SRPRA: variants seen among roughly 807,000 people sequenced by gnomAD.
SRPRA encodes signal recognition particle receptor subunit alpha.
SRPRA carries 30 observed loss-of-function variants against 61.1 expected under a neutral mutation model. The ratio of observed to expected loss-of-function variants is 0.49; its 90% CI spans 0.37 to 0.67. The LOEUF (loss-of-function observed/expected upper bound fraction) is 0.67, where lower values mean the gene tolerates loss of function less well. Ranked by LOEUF, SRPRA falls within the 30% of genes least tolerant of loss-of-function variation. The pLI is 0.00. For missense variants in SRPRA, 759 were observed against 828.4 expected, an observed-to-expected ratio of 0.92 and a Z score of 1.03; for synonymous variants, 324 against 299.7, an observed-to-expected ratio of 1.08 and a Z score of -0.84.
At chr11:126,262,854 A>G (rs1481367458), downstream of SRPRA, 3 of 152,622 alleles carry the variant, frequency 2.0e-5, no homozygotes, top group African/African-American at 4.8e-5. Context: ...CTGACCATAC[A>G]TATGTCCTAG....
At chr11:126,261,127 G>T, downstream of SRPRA, 1 of 327,762 alleles carries the variant, frequency 3.1e-6, no homozygotes, top group Non-Finnish European at 5.7e-6. Flanking sequence ...GACTGTTTAG[G>T]GACAGCAGAC....
the SRPRA span, among the ~76,000 whole-genome samples, chr11:126,240,015 A>G: frequency 6.6e-6 from 1 of 152,204 alleles, no homozygotes; most frequent in Non-Finnish European, 1.5e-5. Flanking sequence ...GGAGGGGAAC[A>G]TGCCATCAGC....
Position 126,265,830 on chromosome 11 carries a change from A to C in SRPRA, c.1052-7T>G. The C allele has an allele frequency of 6.2e-7, 1 of 1,614,196 alleles. No individual in the cohort carries two copies. The highest frequency in any genetic ancestry group is 8.5e-7 in the Non-Finnish European group (1 of 1,180,034). On this transcript the variant is annotated splice_region_variant and splice_polypyrimidine_tract_variant and intron_variant, in intron 8 of 13. Transcript: ENST00000332118. The surrounding 1 kb of genome is among the most constrained non-coding windows in gnomAD (Gnocchi z 6.3). ...TCTGCAGCCACGTTCTTAGCTGAGG[A>C]GAGGGGGACAGGTATGTCAGTTCCA...
rs1286232421 is a variant in SRPRA at position 126,264,518 on chromosome 11, A to G, written c.1547T>C (p.Val516Ala). ...IAFARNQGFD[V>A]VLVDTAGRMQ... ...GCGGCCTGCCGTGTCCACCAGCACC[A>G]CGTCAAAGCCTTGGTTACGTGCTAG... The change falls in exon 12 of 14, where the codon GTG becomes GCG. Residue 516 changes from valine to alanine, a missense_variant. By Grantham distance (64) the Val-to-Ala change is moderately conservative. This residue lies in a region of SRPRA where 284 missense variants were observed against 365.9 expected (regional missense o/e 0.78). Coordinates refer to ENST00000332118, the MANE Select transcript of SRPRA (RefSeq NM_003139.4). This position sits in a 1 kb window ranked among gnomAD's most constrained non-coding sequence, Gnocchi z 5.0. 8 of 1,613,280 alleles carry G rather than the reference A, an allele frequency of 5.0e-6. No homozygotes were observed. Among genetic ancestry groups the G allele is most frequent in the Non-Finnish European group, 5.9e-6 (7 of 1,180,042 alleles).
At chr11:126,243,042 T>C in the SRPRA span, among the ~76,000 whole-genome samples, 1 of 152,210 alleles carries the variant, frequency 6.6e-6, no homozygotes, top group Non-Finnish European at 1.5e-5. Flanking sequence ...AATGAAGTGC[T>C]CGTCCCATAC....
chr11:126,240,410 A>G, the SRPRA span, among the ~76,000 whole-genome samples: 9 of 152,224 alleles, frequency 5.9e-5, no homozygotes, highest in East Asian at 1.7e-3. Context: ...TTTCTAGAGT[A>G]CAAATCAAAC....
chr11:126,249,337 A>G, the SRPRA span, among the ~76,000 whole-genome samples: 2 of 152,242 alleles, frequency 1.3e-5, no homozygotes, highest in African/African-American at 4.8e-5. Context: ...TATACTGGAT[A>G]TTCTTCAGAA....
chr11:126,263,862 C>G lies in SRPRA; in HGVS notation c.*54G>C, dbSNP rs1335646003. 2.5e-6 allele frequency: 4 copies of G among 1,603,934 alleles called. No individual in the cohort carries two copies. Among genetic ancestry groups the G allele is most frequent in the Admixed American group, 3.4e-5 (2 of 58,834 alleles). ...CATACTCTAAAGCACATTCTTGATA[C>G]AGGAAGAAGGGCTTGTGGGGAAAGC... On this transcript the variant is annotated 3_prime_UTR_variant, in exon 14 of 14. Transcript: ENST00000332118.
chr11:126,250,031 C>T, the SRPRA span, among the ~76,000 whole-genome samples: 1 of 151,734 alleles, frequency 6.6e-6, no homozygotes, highest in Non-Finnish European at 1.5e-5. The surrounding 1 kb of genome is among the most constrained non-coding windows in gnomAD (Gnocchi z 5.1). Context: ...AAGCACTTGG[C>T]ATGTATCATC....
chr11:126,264,184 C>A lies in SRPRA; in HGVS notation c.1788+7G>T, dbSNP rs768846228. 8.1e-6 allele frequency: 13 copies of A among 1,613,846 alleles called. No individual in the cohort carries two copies. The highest frequency in any genetic ancestry group is 9.3e-6 in the Non-Finnish European group (11 of 1,179,854). On this transcript the variant is annotated splice_region_variant and intron_variant, in intron 13 of 13. Transcript: ENST00000332118. The surrounding 1 kb of genome is among the most constrained non-coding windows in gnomAD (Gnocchi z 5.0). ...ACGCCCATTCCAGCCTCCAGTCTCA[C>A]GTTTACCTTGTCATCAATGGTATCA...
Position 126,264,393 on chromosome 11 carries a change from C to T in SRPRA, c.1672G>A (p.Glu558Lys). Residue 558 changes from glutamate (E) to lysine (K), a missense_variant, in exon 12 of 14, where the codon GAA becomes AAA. By Grantham distance (56) the Glu-to-Lys change is moderately conservative. Coordinates refer to ENST00000332118, the MANE Select transcript of SRPRA (RefSeq NM_003139.4). This position sits in a 1 kb window ranked among gnomAD's most constrained non-coding sequence, Gnocchi z 5.0. Reference protein sequence around the residue: ...LFVGEALVGNEAVDQLVKFNR... With the variant: ...LFVGEALVGNKAVDQLVKFNR... ...GCTCTCACCAGCTGGTCCACGGCTTCATTGCCTACTAAGGCTTCTCCTACA... is the reference window on the plus strand; with the variant it reads ...GCTCTCACCAGCTGGTCCACGGCTTTATTGCCTACTAAGGCTTCTCCTACA... 6.2e-7 allele frequency: 1 copy of T among 1,614,226 alleles called. No homozygotes were observed.
the SRPRA span, among the ~76,000 whole-genome samples, chr11:126,246,807 G>C: frequency 6.6e-6 from 1 of 152,082 alleles, no homozygotes; most frequent in African/African-American, 2.4e-5. Context: ...AGATGAATGG[G>C]AAAAGGCCCT....
Position 126,265,388 on chromosome 11 carries a change from C to T in SRPRA, c.1191G>A (p.Leu397=). ...QALQESLVQI[L]QPQRRVDMLR... The stretch of plus-strand genomic sequence containing the variant: ...GCATGTCTACACGACGCTGTGGCTG[C>T]AGAATCTGCACCAGGGACTCCTGTA... The change falls in exon 10 of 14, where the codon CTG becomes CTA. Residue 397 remains leucine (L), a synonymous_variant. Transcript: ENST00000332118. This position sits in a 1 kb window ranked among gnomAD's most constrained non-coding sequence, Gnocchi z 6.3. 6.2e-7 allele frequency: 1 copy of T among 1,613,990 alleles called. No homozygotes were observed. The highest frequency in any genetic ancestry group is 8.5e-7 in the Non-Finnish European group (1 of 1,180,020).
Position 126,264,046 on chromosome 11 carries a change from T to A in SRPRA, c.1789-2A>T. On this transcript the variant is annotated splice_acceptor_variant, in intron 13 of 13. Coordinates refer to ENST00000332118, the MANE Select transcript of SRPRA (RefSeq NM_003139.4). LOFTEE classifies it high-confidence loss of function. This position sits in a 1 kb window ranked among gnomAD's most constrained non-coding sequence, Gnocchi z 5.0. ...CGTCATAGAAATAGCAGCTCCCACCTAAGTGGAGAAAGAGGACAGCCCATC... is the reference window on the plus strand; with the variant it reads ...CGTCATAGAAATAGCAGCTCCCACCAAAGTGGAGAAAGAGGACAGCCCATC... 7 of 1,614,122 alleles carry A rather than the reference T, an allele frequency of 4.3e-6. No individual in the cohort carries two copies. Among genetic ancestry groups the A allele is most frequent in the Non-Finnish European group, 5.9e-6 (7 of 1,180,002 alleles).
the SRPRA span, among the ~76,000 whole-genome samples, chr11:126,247,556 G>A: frequency 6.6e-6 from 1 of 151,958 alleles, no homozygotes; most frequent in African/African-American, 2.4e-5. Context: ...TAATAAAACT[G>A]GTGTTAAAAT....
At position 126,264,925 on chromosome 11, in the gene SRPRA, C is replaced by T. The variant is rs918720561; in HGVS notation, c.1525+34G>A. ...GAGAACCCAAGGAGAAAAAGGGACC[C>T]CAAATAAGCCCCCACACTTCCCATG... On this transcript the variant is annotated intron_variant, in intron 11 of 13. Coordinates refer to ENST00000332118, the MANE Select transcript of SRPRA (RefSeq NM_003139.4). The surrounding 1 kb of genome is among the most constrained non-coding windows in gnomAD (Gnocchi z 5.0). The T allele has an allele frequency of 4.4e-6, 7 of 1,585,838 alleles. No individual in the cohort carries two copies. Among genetic ancestry groups the T allele is most frequent in the Non-Finnish European group, 6.0e-6 (7 of 1,166,026 alleles).
chr11:126,249,445 T>C, the SRPRA span, among the ~76,000 whole-genome samples: 3 of 151,124 alleles, frequency 2.0e-5, no homozygotes, highest in Non-Finnish European at 4.4e-5. Flanking sequence ...GAAAAGGAGA[T>C]GCTGAGGCTG....
Position 126,264,147 on chromosome 11 carries a change from C to T in SRPRA, c.1788+44G>A, listed in dbSNP as rs1364508949. 1.2e-6 allele frequency: 2 copies of T among 1,612,372 alleles called. No individual in the cohort carries two copies. The highest frequency in any genetic ancestry group is 2.7e-5 in the African/African-American group (2 of 74,866). On this transcript the variant is annotated intron_variant, in intron 13 of 13. Coordinates refer to ENST00000332118, the MANE Select transcript of SRPRA (RefSeq NM_003139.4). The surrounding 1 kb of genome is among the most constrained non-coding windows in gnomAD (Gnocchi z 5.0). ...CCAAGATTTCCTTGCAGCCTCAGCT[C>T]CTTTGTGCAGGACGCCCATTCCAGC...
chr11:126,237,769 A>G, the SRPRA span, among the ~76,000 whole-genome samples: 1 of 146,564 alleles, frequency 6.8e-6, no homozygotes, highest in Non-Finnish European at 1.5e-5. Flanking sequence ...AGGCAGGAGA[A>G]TCACTTGAAC....
Sources: allele counts gnomAD v4.1 joint callset (sites outside exome capture counted in the v4.1 genomes callset), GRCh38; gene constraint gnomAD v4.1.1; regional missense constraint gnomAD v4.1.1; non-coding constraint Gnocchi (gnomAD v3.1); transcripts MANE v1.5; gene names NCBI Gene and HGNC (gene_info 2026-07-23, HGNC 2026-07-21).